The following PARP8 variants were observed in gnomAD, a reference collection of about 807,000 sequenced individuals.
The protein encoded by PARP8 is protein mono-ADP-ribosyltransferase PARP8.
A neutral mutation model predicts 124.1 loss-of-function variants in PARP8; 51 were observed. That is an observed-to-expected ratio of 0.41 (90% CI 0.33 to 0.52). The LOEUF (loss-of-function observed/expected upper bound fraction) is 0.52. PARP8 is among the 20% of genes least tolerant of loss of function. PARP8 has a pLI of 0.21. For missense variants in PARP8, 860 were observed against 1,018.9 expected, an observed-to-expected ratio of 0.84 and a Z score of 2.12; for synonymous variants, 391 against 361.5, an observed-to-expected ratio of 1.08 and a Z score of -0.93.
intron 9 of PARP8, among the ~76,000 whole-genome samples, chr5:50,779,235 ACAC>A (rs1421912499): frequency 6.6e-6 from 1 of 151,912 alleles, no homozygotes; most frequent in East Asian, 1.9e-4. Context: ...ATGCACACAC[ACAC>A]AATTGTATCT....
intron 3 of PARP8, among the ~76,000 whole-genome samples, chr5:50,752,507 A>T (rs1326102270): frequency 6.6e-6 from 1 of 152,048 alleles, no homozygotes; most frequent in Admixed American, 6.6e-5. Flanking sequence ...TAGCAAAAGT[A>T]TAGTATTTGG....
intron 2 of PARP8, among the ~76,000 whole-genome samples, chr5:50,743,183 C>T (rs1241021716): frequency 6.6e-6 from 1 of 151,948 alleles, no homozygotes; most frequent in Non-Finnish European, 1.5e-5. Flanking sequence ...TGCAGCTTAA[C>T]GTTGTCCAAA....
intron 16 of PARP8, among the ~76,000 whole-genome samples, chr5:50,822,100 C>G (rs1745822113): frequency 6.6e-6 from 1 of 152,146 alleles, no homozygotes; most frequent in African/African-American, 2.4e-5. Context: ...TAGATTTTTT[C>G]CGCCATGGCT....
chr5:50,833,850 G>A (rs1580504783), intron 23 of PARP8, 129 bp from the exon 24 acceptor site: 4 of 618,634 alleles, frequency 6.5e-6, no homozygotes, highest in East Asian at 2.9e-5. Context: ...GGAAATTGAT[G>A]CTAGTCTAGA....
chr5:50,719,650 A>G (rs752252738), intron 2 of PARP8, among the ~76,000 whole-genome samples: 2 of 151,928 alleles, frequency 1.3e-5, no homozygotes, highest in Non-Finnish European at 2.9e-5. Flanking sequence ...GCATGGATTT[A>G]TTTCTGGGTT....
chr5:50,807,975 T>A (rs1340131301), intron 14 of PARP8, among the ~76,000 whole-genome samples: 1 of 152,036 alleles, frequency 6.6e-6, no homozygotes, highest in Non-Finnish European at 1.5e-5. Context: ...TCATTCTTAC[T>A]GAAGCAAAGC....
At chr5:50,729,046 A>G (rs1756713325) in intron 2 of PARP8, among the ~76,000 whole-genome samples, 1 of 152,048 alleles carries the variant, frequency 6.6e-6, no homozygotes, top group African/African-American at 2.4e-5. Context: ...GTCCAGTCTT[A>G]TGGAACACAT....
At chr5:50,759,234 T>G (rs552473218) in intron 3 of PARP8, among the ~76,000 whole-genome samples, 12 of 152,280 alleles carry the variant, frequency 7.9e-5, no homozygotes, top group African/African-American at 2.6e-4. Flanking sequence ...ATAAATTTTT[T>G]TTTTATTGCA....
Position 50,841,977 on chromosome 5 carries a change from G to A in PARP8, c.2474G>A (p.Gly825Asp). 6.3e-7 allele frequency: 1 copy of A among 1,594,512 alleles called. No individual in the cohort carries two copies. Among genetic ancestry groups the A allele is most frequent in the Non-Finnish European group, 8.5e-7 (1 of 1,169,818 alleles). ...CTRFFFVYED[G>D]QVGDANINTQ... ...GTTTTGTATTTCAGCTATGAAGACG[G>A]CCAAGTGGGAGATGCAAATATTAAT... The change falls in exon 26 of 26, where the codon GGC (glycine) becomes GAC (aspartate). Residue 825 changes from glycine to aspartate, a missense_variant. Coordinates refer to ENST00000281631, the MANE Select transcript of PARP8 (RefSeq NM_024615.4).
Position 50,794,924 on chromosome 5 carries a change from C to T in PARP8, c.935C>T (p.Ser312Phe), listed in dbSNP as rs1202212392. 3 of 1,614,194 alleles carry T rather than the reference C, an allele frequency of 1.9e-6. No homozygotes were observed. The highest frequency in any genetic ancestry group is 2.2e-5 in the South Asian group (2 of 91,084). ...SKLKSEQDGI[S>F]KTHKLLRRTC... ...CTGAAATCTGAGCAGGACGGAATCT[C>T]CAAAACGCATAAGCTGCTGCGGAGG... The change falls in exon 12 of 26, where the codon TCC becomes TTC. Residue 312 changes from serine (S) to phenylalanine (F), a missense_variant. Ser to Phe is a radical substitution (Grantham distance 155). Coordinates refer to ENST00000281631, the MANE Select transcript of PARP8 (RefSeq NM_024615.4).
intron 7 of PARP8, among the ~76,000 whole-genome samples, chr5:50,776,796 A>G (rs1740081906): frequency 6.6e-6 from 1 of 152,192 alleles, no homozygotes; most frequent in Non-Finnish European, 1.5e-5. Flanking sequence ...TGCCACAATT[A>G]TGTATTATAA....
At chr5:50,752,667 A>G (rs1759389241) in intron 3 of PARP8, among the ~76,000 whole-genome samples, 1 of 151,968 alleles carries the variant, frequency 6.6e-6, no homozygotes, top group South Asian at 2.1e-4. Context: ...GCTCTCTTTA[A>G]TGTTGCATTC....
intron 14 of PARP8, among the ~76,000 whole-genome samples, chr5:50,802,116 T>C (rs1157104004): frequency 6.6e-6 from 1 of 152,204 alleles, no homozygotes; most frequent in Non-Finnish European, 1.5e-5. Flanking sequence ...TATTTTGCAA[T>C]TCATTTTCTA....
chr5:50,704,336 A>G (rs904761447), intron 2 of PARP8, among the ~76,000 whole-genome samples: 2 of 152,178 alleles, frequency 1.3e-5, no homozygotes, highest in Admixed American at 1.3e-4. Context: ...ATCTTCTGTC[A>G]GGACATAATC....
Position 50,845,887 on chromosome 5 carries a change from T to G in PARP8, c.*3819T>G, listed in dbSNP as rs1478223429. On this transcript the variant is annotated 3_prime_UTR_variant, in exon 26 of 26. Coordinates refer to ENST00000281631, the MANE Select transcript of PARP8 (RefSeq NM_024615.4). Reference sequence around the variant, plus strand: ...TGGCATTTAATGCCTGCTAAATTTTTGTCCGATTATATATAGATTTGATGT... The same window carrying G: ...TGGCATTTAATGCCTGCTAAATTTTGGTCCGATTATATATAGATTTGATGT... 1 of 151,828 alleles carries G rather than the reference T, an allele frequency of 6.6e-6. No homozygotes were observed. The highest frequency in any genetic ancestry group is 6.6e-5 in the Admixed American group (1 of 15,192). The allele number at this position is 151,828 out of a possible 1,614,324, so 9.4% of individuals were successfully genotyped here.
At chr5:50,800,788 A>T (rs1580385804) in intron 14 of PARP8, among the ~76,000 whole-genome samples, 11 of 138,618 alleles carry the variant, frequency 7.9e-5, no homozygotes, top group Admixed American at 1.5e-4. Context: ...CAGGGGTCTT[A>T]CTCTGTCACT....
At chr5:50,822,914 T>G (rs1745925773) in intron 17 of PARP8, among the ~76,000 whole-genome samples, 1 of 152,188 alleles carries the variant, frequency 6.6e-6, no homozygotes, top group Non-Finnish European at 1.5e-5. Context: ...TGAGCAAGGA[T>G]CGGGGTTTGT....
At chr5:50,778,836 T>A (rs893784398) in intron 9 of PARP8, among the ~76,000 whole-genome samples, 186 bp downstream of exon 9, 1 of 152,162 alleles carries the variant, frequency 6.6e-6, no homozygotes, top group African/African-American at 2.4e-5. Flanking sequence ...AACAGAAACG[T>A]AAGATTTCAT....
In PARP8 at chr5:50,759,622, C is replaced by CTTTTTT. The variant is rs4029424; in HGVS notation, c.185-10_185-5dup. ...TTTTTAAACTTATGCCTTTCATTAT[C>CTTTTTT]TTTTTTTTTTTTTTTTGCAGATAAT... On this transcript the variant is annotated intron_variant, in intron 3 of 25. Transcript: ENST00000281631. 133 of 1,326,774 alleles carry CTTTTTT rather than the reference C, an allele frequency of 1.0e-4. 1 individual carries two copies. The highest frequency in any genetic ancestry group is 3.6e-4 in the South Asian group (21 of 58,082). The allele number at this position is 1,326,774 out of a possible 1,614,324, so 82.2% of individuals were successfully genotyped here.
Sources: allele counts gnomAD v4.1 joint callset (sites outside exome capture counted in the v4.1 genomes callset), GRCh38; gene constraint gnomAD v4.1.1; transcripts MANE v1.5; gene names NCBI Gene and HGNC (gene_info 2026-07-23, HGNC 2026-07-21).